The following TTC12 variants were observed in gnomAD, a reference collection of about 807,000 sequenced individuals.
TTC12 encodes tetratricopeptide repeat protein 12.
In TTC12, 70 loss-of-function variants were observed where a neutral mutation model predicts 90.1. That is an observed-to-expected ratio of 0.78 (90% CI 0.64 to 0.95). TTC12 has a LOEUF of 0.95. Ranked by LOEUF, TTC12 falls within the 40% of genes least tolerant of loss-of-function variation. TTC12 has a pLI of 0.00. For synonymous variants in TTC12, 296 were observed against 311.5 expected, an observed-to-expected ratio of 0.95 and a Z score of 0.53; for missense variants, 819 against 846.1, an observed-to-expected ratio of 0.97 and a Z score of 0.40.
intron 6 of TTC12, 171 bp from the exon 7 acceptor site, chr11:113,329,744 AACTCT>A: frequency 1.5e-6 from 1 of 675,280 alleles, no homozygotes; most frequent in Non-Finnish European, 2.7e-6. Context: ...CCCTGTATTC[AACTCT>A]CCTCAGTTGC....
intron 18 of TTC12, among the ~76,000 whole-genome samples, chr11:113,361,119 G>C (rs536573632): frequency 6.6e-6 from 1 of 152,290 alleles, no homozygotes; most frequent in Middle Eastern, 3.4e-3. Flanking sequence ...ATGGGCATCT[G>C]GTCCTTGTCT....
At chr11:113,335,811 T>G (rs1483791866) in intron 8 of TTC12, among the ~76,000 whole-genome samples, 1 of 152,244 alleles carries the variant, frequency 6.6e-6, no homozygotes, top group Non-Finnish European at 1.5e-5. Flanking sequence ...ATATTTTATT[T>G]ATTTATTCAT....
rs117997442 is a variant in TTC12, at chr11:113,328,203, G to A, written c.445-1717G>A. ...CTTGGCTATCCTTTCGTACAAATGG[G>A]ATGATCGATGCTGCCTCTCAGGGAG... is the stretch of plus-strand genomic sequence containing the variant. On this transcript the variant is annotated intron_variant, in intron 6 of 21. Transcript: ENST00000529221. 2.4e-4 allele frequency among the ~76,000 whole-genome samples: 37 copies of A among 152,308 alleles called. No individual in the cohort carries two copies. In the East Asian group the frequency reaches 4.2e-3, roughly 17 times the overall value.
At chr11:113,347,541 T>A (rs1949037293) in intron 13 of TTC12, among the ~76,000 whole-genome samples, 5 of 152,326 alleles carry the variant, frequency 3.3e-5, no homozygotes, top group Middle Eastern at 3.4e-3. Flanking sequence ...CAGTTCTGAT[T>A]GAGATAAATT....
At chr11:113,346,532 C>G (rs913113566) in intron 13 of TTC12, among the ~76,000 whole-genome samples, 1 of 152,120 alleles carries the variant, frequency 6.6e-6, no homozygotes, top group Non-Finnish European at 1.5e-5. Flanking sequence ...CTTGCTGCAA[C>G]TCCAAGCTTC....
At chr11:113,339,223 G>T in intron 9 of TTC12, 63 bp from the exon 10 acceptor site, 1 of 1,368,918 alleles carries the variant, frequency 7.3e-7, no homozygotes, top group Non-Finnish European at 9.9e-7. Context: ...AAAAAAGGTT[G>T]CTTCTTGTGT....
chr11:113,315,187 CCT>C (rs1210141025), intron 1 of TTC12: 6 of 152,336 alleles, frequency 3.9e-5, no homozygotes, highest in Admixed American at 6.5e-5. Context: ...AACCCCACCC[CCT>C]GTTTTATATA....
intron 6 of TTC12, among the ~76,000 whole-genome samples, chr11:113,328,226 G>T (rs1467739911): frequency 1.3e-5 from 2 of 152,178 alleles, no homozygotes; most frequent in African/African-American, 4.8e-5. Context: ...GCCTCTCAGG[G>T]AGCTTTCCAG....
At position 113,348,274 on chromosome 11, in the gene TTC12, G is replaced by A. The variant is rs190924551; in HGVS notation, c.1155-1799G>A. On this transcript the variant is annotated intron_variant, in intron 13 of 21. Coordinates refer to ENST00000529221, the MANE Select transcript of TTC12 (RefSeq NM_017868.4). ...TATCTCCACCTATCCAGTCGCCTAAGCCAATGTCCTGGAAGTGACCTGGCT... is the reference window on the plus strand; with the variant it reads ...TATCTCCACCTATCCAGTCGCCTAAACCAATGTCCTGGAAGTGACCTGGCT... Among the ~76,000 whole-genome samples the A allele has an allele frequency of 9.8e-4, 150 of 152,302 alleles. 1 individual carries two copies. The highest frequency in any genetic ancestry group is 3.4e-3 in the Middle Eastern group (1 of 294).
chr11:113,324,187 A>G, intron 4 of TTC12, 172 bp downstream of exon 4: 1 of 577,600 alleles, frequency 1.7e-6, no homozygotes. Flanking sequence ...TGTCCCTGAG[A>G]GGTTTTTCTT....
At chr11:113,363,525 A>T (rs1950048218) in intron 19 of TTC12, among the ~76,000 whole-genome samples, 1 of 152,174 alleles carries the variant, frequency 6.6e-6, no homozygotes, top group Non-Finnish European at 1.5e-5. Flanking sequence ...TAGATCTGCC[A>T]TTCATCAGCA....
chr11:113,321,074 A>G (rs1028173823), intron 2 of TTC12, among the ~76,000 whole-genome samples: 1 of 152,212 alleles, frequency 6.6e-6, no homozygotes, highest in Non-Finnish European at 1.5e-5. Context: ...ACAATGACCC[A>G]ATAGAAAATT....
At chr11:113,338,980 C>T (rs781829112) in intron 9 of TTC12, 146 bp downstream of exon 9, 4 of 722,598 alleles carry the variant, frequency 5.5e-6, no homozygotes, top group Non-Finnish European at 9.5e-6. Context: ...CTGTGTTAAC[C>T]AGCCCACTCT....
intron 11 of TTC12, chr11:113,341,613 G>T: frequency 1.9e-6 from 1 of 540,342 alleles, no homozygotes; most frequent in Non-Finnish European, 3.3e-6. Context: ...CATGGCCCTG[G>T]CTCACTGCCC....
At chr11:113,318,227 A>G (rs1947073146) in intron 2 of TTC12, among the ~76,000 whole-genome samples, 1 of 151,908 alleles carries the variant, frequency 6.6e-6, no homozygotes, top group African/African-American at 2.4e-5. Flanking sequence ...AGTATGCAAT[A>G]TGAGACACAG....
chr11:113,315,044 C>T (rs913814327), intron 1 of TTC12: 4 of 152,380 alleles, frequency 2.6e-5, no homozygotes, highest in Non-Finnish European at 5.9e-5. Flanking sequence ...TGTCTCCTGT[C>T]CATGCACCCG....
chr11:113,335,619 C>T (rs1269246519), intron 8 of TTC12, among the ~76,000 whole-genome samples: 1 of 152,166 alleles, frequency 6.6e-6, no homozygotes, highest in African/African-American at 2.4e-5. Flanking sequence ...AGGCAACCAT[C>T]AGTCTTTCTG....
chr11:113,322,483 T>A (rs1947399809), intron 2 of TTC12, among the ~76,000 whole-genome samples: 1 of 152,136 alleles, frequency 6.6e-6, no homozygotes. Flanking sequence ...TAGCAGGAAG[T>A]CGATGGCATC....
chr11:113,324,675 G>T lies in TTC12; in HGVS notation c.315G>T (p.Leu105Phe). Residue 105 changes from leucine (L) to phenylalanine (F), a missense_variant, in exon 5 of 22, where the codon TTG becomes TTT. Leu to Phe is a conservative substitution (Grantham distance 22). Transcript: ENST00000529221. ...RAKRRRENKV[L>F]ADALKEKGNE... Reference sequence around the variant, plus strand: ...AGAGAAGAAGGGAAAACAAAGTCTTGGCGGATGGTAATTGTCAGTCCTTAC... The same window carrying T: ...AGAGAAGAAGGGAAAACAAAGTCTTTGCGGATGGTAATTGTCAGTCCTTAC... 6.2e-7 allele frequency: 1 copy of T among 1,613,770 alleles called. No homozygotes were observed.
Sources: allele counts gnomAD v4.1 joint callset (sites outside exome capture counted in the v4.1 genomes callset), GRCh38; gene constraint gnomAD v4.1.1; transcripts MANE v1.5; gene names NCBI Gene and HGNC (gene_info 2026-07-23, HGNC 2026-07-21).